The following ATP11A variants were observed in gnomAD, a reference collection of about 807,000 sequenced individuals.
The protein encoded by ATP11A is phospholipid-transporting ATPase IH.
ATP11A carries 81 observed loss-of-function variants against 154.4 expected under a neutral mutation model. That is an observed-to-expected ratio of 0.52 (90% confidence interval 0.44 to 0.63). ATP11A has a LOEUF of 0.63. Ranked by LOEUF, ATP11A falls within the 30% of genes least tolerant of loss-of-function variation. The probability of loss-of-function intolerance (pLI) is 0.00; values close to 1 mark genes in which losing one functional copy is unlikely to be tolerated. For synonymous variants in ATP11A, 623 were observed against 585.9 expected (o/e 1.06, Z -0.91); for missense variants, 1,316 against 1,474.3 (o/e 0.89, Z 1.76).
chr13:112,861,992 T>G (rs60802041), intron 24 of ATP11A, among the ~76,000 whole-genome samples: 89 of 150,698 alleles, frequency 5.9e-4, no homozygotes, highest in African/African-American at 1.8e-3. Flanking sequence ...AGGTGTCACG[T>G]CAGGCGTAAG....
At chr13:112,881,185 C>A in intron 29 of ATP11A, 2 of 989,106 alleles carry the variant, frequency 2.0e-6, no homozygotes, top group Non-Finnish European at 2.4e-6. Flanking sequence ...CTGGGGACGG[C>A]CCCTCATCAG....
chr13:112,735,287 T>A (rs1890884279), intron 1 of ATP11A, among the ~76,000 whole-genome samples: 1 of 152,222 alleles, frequency 6.6e-6, no homozygotes, highest in African/African-American at 2.4e-5. Flanking sequence ...TTTTTTCCGT[T>A]AAATAAAAAG....
chr13:112,836,141 C>T (rs1449409988), intron 15 of ATP11A, 37 bp from the exon 16 acceptor site: 7 of 1,504,040 alleles, frequency 4.7e-6, no homozygotes, highest in Admixed American at 3.4e-5. Flanking sequence ...CGTGAGCACC[C>T]GTGTGGACGG....
chr13:112,786,841 T>G (rs1358941000), intron 2 of ATP11A, among the ~76,000 whole-genome samples: 1 of 152,248 alleles, frequency 6.6e-6, no homozygotes, highest in Non-Finnish European at 1.5e-5. Context: ...CCGTGTAAAC[T>G]TCTGTGGAGA....
chr13:112,878,174 T>G (rs1566607993), intron 28 of ATP11A, 43 bp from the exon 29 acceptor site: 6 of 1,564,738 alleles, frequency 3.8e-6, no homozygotes, highest in Non-Finnish European at 5.3e-6. Context: ...TCACACCTTG[T>G]TCACACACCC....
At chr13:112,713,816 C>A (rs1888049272) in intron 1 of ATP11A, among the ~76,000 whole-genome samples, 1 of 152,034 alleles carries the variant, frequency 6.6e-6, no homozygotes. Flanking sequence ...AGGATGCTGT[C>A]AGGACGCAGG....
At chr13:112,695,505 A>G (rs282584) in intron 1 of ATP11A, among the ~76,000 whole-genome samples, 114,538 of 152,206 alleles carry the variant, frequency 0.75, 46,041 homozygotes, top group South Asian at 0.93. Context: ...CCTGTTGAAT[A>G]TCTGCTTATT....
intron 5 of ATP11A, 109 bp downstream of exon 5, chr13:112,810,835 C>A: frequency 1.1e-6 from 1 of 937,214 alleles, no homozygotes; most frequent in South Asian, 1.5e-5. Context: ...ACTCAGGAGG[C>A]TGAGGCAGGA....
Position 112,860,418 on chromosome 13 carries a change from C to A in ATP11A, c.2855+4C>A, listed in dbSNP as rs1362340835. ...AGAGAGACCCGACCCTGTACAGGTACCATCCTCCAAACAGCCTCTCCTGAG... is the reference window on the plus strand; with the variant it reads ...AGAGAGACCCGACCCTGTACAGGTAACATCCTCCAAACAGCCTCTCCTGAG... On this transcript the variant is annotated splice_donor_region_variant and intron_variant, in intron 24 of 29. Transcript: ENST00000375645. The A allele has an allele frequency of 6.2e-7, 1 of 1,614,062 alleles. No individual in the cohort carries two copies. The highest frequency in any genetic ancestry group is 8.5e-7 in the Non-Finnish European group (1 of 1,179,950).
At chr13:112,765,915 C>G (rs1345698467) in intron 1 of ATP11A, among the ~76,000 whole-genome samples, 1 of 152,280 alleles carries the variant, frequency 6.6e-6, no homozygotes, top group Non-Finnish European at 1.5e-5. Flanking sequence ...CAGGGTCCTC[C>G]CCCTTCTGAA....
At position 112,697,440 on chromosome 13, in the gene ATP11A, GA is replaced by G. The variant is rs752792716; in HGVS notation, c.39+6987del. The stretch of plus-strand genomic sequence containing the variant: ...GGTCATTAGTGTTAATCAGAGTGAT[GA>G]AGAGGTTGCCATTGGCAATTCGGAA... On this transcript the variant is annotated intron_variant, in intron 1 of 29. Coordinates refer to ENST00000375645, the MANE Select transcript of ATP11A (RefSeq NM_015205.3). The surrounding 1 kb of genome is among the most constrained non-coding windows in gnomAD (Gnocchi z 4.0). Among the ~76,000 whole-genome samples the G allele has an allele frequency of 2.0e-5, 3 of 152,146 alleles. No individual in the cohort carries two copies. The highest frequency in any genetic ancestry group is 2.9e-5 in the Non-Finnish European group (2 of 68,036).
At chr13:112,810,520 T>C (rs1216713929) in intron 4 of ATP11A, 99 bp from the exon 5 acceptor site, 6 of 991,774 alleles carry the variant, frequency 6.0e-6, no homozygotes, top group Non-Finnish European at 9.4e-6. Context: ...TGGATTATGC[T>C]TAGACATAAT....
rs759642977 is a variant in ATP11A, at chr13:112,872,541, G to T, written c.3057+741G>T. Among the ~76,000 whole-genome samples the T allele has an allele frequency of 1.3e-3, 194 of 152,380 alleles. 1 individual carries two copies. The highest frequency in any genetic ancestry group is 2.4e-3 in the Non-Finnish European group (164 of 68,040). ...CACGAGAATCGCTTGAACCCGGGAG[G>T]TGGAGGTTGCAGTGAGCCAAGATCG... is the stretch of plus-strand genomic sequence containing the variant. On this transcript the variant is annotated intron_variant, in intron 26 of 29. Transcript: ENST00000375645.
intron 17 of ATP11A, among the ~76,000 whole-genome samples, chr13:112,845,837 A>ATG (rs1566565127): frequency 2.4e-5 from 3 of 122,660 alleles, no homozygotes; most frequent in African/African-American, 9.9e-5. Context: ...CGGCACTAGC[A>ATG]GTACTAACCA....
At chr13:112,843,233 G>A (rs1350283819) in intron 17 of ATP11A, among the ~76,000 whole-genome samples, 1 of 152,130 alleles carries the variant, frequency 6.6e-6, no homozygotes, top group Non-Finnish European at 1.5e-5. Flanking sequence ...CGTGGCTGGG[G>A]TGGACGCACT....
chr13:112,741,586 G>A (rs1186170024), intron 1 of ATP11A, among the ~76,000 whole-genome samples: 1 of 152,194 alleles, frequency 6.6e-6, no homozygotes, highest in East Asian at 1.9e-4. Flanking sequence ...GCAGGCCATA[G>A]CCTCACTGTG....
rs769102483 is a variant in ATP11A, at chr13:112,878,199, G to A, written c.3328-18G>A. ...TTCACACACCCCTGTGTGCGTGGCC[G>A]CTGACCTCGGGACTAAGACTAAGAG... is the stretch of plus-strand genomic sequence containing the variant. On this transcript the variant is annotated intron_variant, in intron 28 of 29. Transcript: ENST00000375645. The A allele has an allele frequency of 1.9e-5, 31 of 1,612,708 alleles. No individual in the cohort carries two copies. Among genetic ancestry groups the A allele is most frequent in the African/African-American group, 1.2e-4 (9 of 74,870 alleles).
At chr13:112,788,696 T>G (rs1254965112) in intron 2 of ATP11A, among the ~76,000 whole-genome samples, 2 of 151,872 alleles carry the variant, frequency 1.3e-5, no homozygotes, top group Non-Finnish European at 1.5e-5. Flanking sequence ...TAGACCCCTG[T>G]GGAGACCTAC....
At chr13:112,748,532 A>G (rs1341181675) in intron 1 of ATP11A, among the ~76,000 whole-genome samples, 1 of 151,918 alleles carries the variant, frequency 6.6e-6, no homozygotes, top group Non-Finnish European at 1.5e-5. Flanking sequence ...CACCCAGCCA[A>G]TTTTTGTATT....
Sources: gnomAD v4.1 joint callset for allele counts (sites outside exome capture counted in the v4.1 genomes callset) on GRCh38, gnomAD v4.1.1 for gene constraint, Gnocchi (gnomAD v3.1) non-coding constraint, MANE v1.5 for transcripts, NCBI Gene and HGNC (gene_info 2026-07-23, HGNC 2026-07-21) for gene names.